The following FRMPD4 variants were observed in gnomAD, a reference collection of about 807,000 sequenced individuals.
FRMPD4 encodes FERM and PDZ domain-containing protein 4.
In FRMPD4, 22 loss-of-function variants were observed where a neutral mutation model predicts 94.1. The ratio of observed to expected loss-of-function variants is 0.23; its 90% CI spans 0.17 to 0.33. The LOEUF (loss-of-function observed/expected upper bound fraction) is 0.33. Among genes scored for constraint, FRMPD4 ranks in the 10% least tolerant of loss-of-function variants. The pLI is 1.00. For synonymous variants in FRMPD4, 631 were observed against 548.6 expected, an observed-to-expected ratio of 1.15 and a Z score of -2.10; for missense variants, 1,111 against 1,339.9, an observed-to-expected ratio of 0.83 and a Z score of 2.67.
At chrX:12,543,224 C>A (rs1226522237) in intron 2 of FRMPD4, among the ~76,000 whole-genome samples, 41 of 110,090 alleles carry the variant, frequency 3.7e-4, no homozygotes, top group Non-Finnish European at 5.3e-4. Flanking sequence ...GCAACAAAAG[C>A]CAAAATTGAC....
chrX:12,110,106 A>G (rs1203185426), intron 3 of FRMPD4, among the ~76,000 whole-genome samples: 2 of 112,234 alleles, frequency 1.8e-5, no homozygotes, highest in African/African-American at 6.5e-5. Context: ...AGCCTGATAC[A>G]GACCAATAAA....
At position 11,864,266 on chromosome X, in the gene FRMPD4, A is replaced by G. The variant is rs1182627426; in HGVS notation, c.-160-820A>G. Among the ~76,000 whole-genome samples, 7 of 109,396 alleles carry G rather than the reference A, an allele frequency of 6.4e-5. No individual in the cohort carries two copies. The East Asian group carries it at 1.7e-3, about 27-fold the overall frequency. The allele number at this position is 109,396 out of a possible 115,157, so 95.0% of individuals were successfully genotyped here. ...CTGCTCGGAAAGTTAACAAGAGTGA[A>G]GGGATGAGGGAGCAAGCAGAGAGGA... On this transcript the variant is annotated intron_variant, in intron 1 of 18. Coordinates refer to the FRMPD4 transcript ENST00000640291.
At chrX:12,402,968 C>T (rs932611838) in intron 1 of FRMPD4, among the ~76,000 whole-genome samples, 5 of 112,333 alleles carry the variant, frequency 4.5e-5, no homozygotes, top group Non-Finnish European at 9.4e-5. Context: ...TACCCAGTCA[C>T]AGATATTTTG....
intron 3 of FRMPD4, among the ~76,000 whole-genome samples, chrX:12,064,891 A>T (rs903807366): frequency 1.8e-5 from 2 of 112,290 alleles, no homozygotes; most frequent in African/African-American, 6.5e-5. Context: ...GTCTCGTTTA[A>T]CAATAATGGG....
intron 1 of FRMPD4, among the ~76,000 whole-genome samples, chrX:12,340,008 ACCTCTCCTGAGAATTGTTCTT>A (rs1007103166): frequency 4.5e-5 from 5 of 112,062 alleles, no homozygotes; most frequent in Non-Finnish European, 7.5e-5. Flanking sequence ...GTTGATTCGA[ACCTCTCCTGAGAATTGTTCTT>A]CCTCTCCTGA....
chrX:12,125,357 T>A (rs1232707323), intron 3 of FRMPD4, among the ~76,000 whole-genome samples: 1 of 112,218 alleles, frequency 8.9e-6, no homozygotes, highest in African/African-American at 3.2e-5. Context: ...CTGGAAGGAT[T>A]TCTGGAGGTG....
intron 1 of FRMPD4, among the ~76,000 whole-genome samples, chrX:12,463,681 G>GTGTTTTTTTTTT (rs1555969426): frequency 3.5e-4 from 18 of 51,039 alleles, no homozygotes; most frequent in African/African-American, 7.8e-4. Context: ...CTATGTGTGT[G>GTGTTTTTTTTTT]TTTTTTTTTT....
Position 12,557,845 on chromosome X carries a change from G to C in FRMPD4, c.159-51876G>C, listed in dbSNP as rs377546652. Among the ~76,000 whole-genome samples the C allele has an allele frequency of 7.2e-5, 8 of 111,519 alleles. No homozygotes were observed. The East Asian group carries it at 1.4e-3, about 20-fold the overall frequency. ...ACCAGGGATTTTACCTGTTCAGAAG[G>C]GGGCAGGACTTAGAAGGAGAAGGCA... On this transcript the variant is annotated intron_variant, in intron 2 of 16. Transcript: ENST00000675598.
rs1205144982 is a variant in FRMPD4, at chrX:12,324,272, T to C, written c.42-174408T>C. Among the ~76,000 whole-genome samples, 12 of 112,384 alleles carry C rather than the reference T, an allele frequency of 1.1e-4. No homozygotes were observed. The Admixed American group carries it at 1.1e-3, about 11-fold the overall frequency. On this transcript the variant is annotated intron_variant, in intron 1 of 16. Coordinates refer to ENST00000675598, the MANE Select transcript of FRMPD4 (RefSeq NM_001368397.1). ...AACTGAATTTAGTCATAACATCATT[T>C]GCCAACACGCACTCTAAAATATGCT...
chrX:12,613,534 C>G (rs1420458314), intron 3 of FRMPD4, among the ~76,000 whole-genome samples: 2 of 112,598 alleles, frequency 1.8e-5, no homozygotes, highest in Admixed American at 1.9e-4. Context: ...GTTTCCTACT[C>G]CCTTCTTGGA....
intron 1 of FRMPD4, among the ~76,000 whole-genome samples, chrX:12,425,710 C>T (rs932193900): frequency 2.9e-4 from 32 of 111,739 alleles, no homozygotes; most frequent in African/African-American, 9.4e-4. Context: ...GGCAACTCCC[C>T]GCAAGAAAGA....
At chrX:12,202,159 A>G (rs2056638258) in intron 1 of FRMPD4, among the ~76,000 whole-genome samples, 1 of 111,595 alleles carries the variant, frequency 9.0e-6, no homozygotes, top group African/African-American at 3.3e-5. Context: ...CAATATAGCT[A>G]AGAATCTTAT....
At chrX:11,979,006 A>G (rs770970718) in intron 3 of FRMPD4, among the ~76,000 whole-genome samples, 2 of 111,357 alleles carry the variant, frequency 1.8e-5, no homozygotes, top group Non-Finnish European at 3.8e-5. Context: ...TATATGTAAA[A>G]GAATGTATAG....
At chrX:12,416,892 C>T (rs1345986493) in intron 1 of FRMPD4, among the ~76,000 whole-genome samples, 1 of 111,661 alleles carries the variant, frequency 9.0e-6, no homozygotes, top group Non-Finnish European at 1.9e-5. Context: ...ATTTTGGGAA[C>T]ACCAGAAAAA....
chrX:12,349,092 C>T (rs1213526364), intron 1 of FRMPD4, among the ~76,000 whole-genome samples: 1 of 111,071 alleles, frequency 9.0e-6, no homozygotes, highest in African/African-American at 3.3e-5. Flanking sequence ...GTCTCTGTCC[C>T]CCCTGGAGAC....
At chrX:12,532,531 C>T (rs1028564838) in intron 2 of FRMPD4, among the ~76,000 whole-genome samples, 5 of 111,497 alleles carry the variant, frequency 4.5e-5, no homozygotes, top group African/African-American at 1.6e-4. Flanking sequence ...ACTTGGTTAC[C>T]GAGACGCAAC....
chrX:11,999,307 A>G (rs1407014691), intron 3 of FRMPD4, among the ~76,000 whole-genome samples: 1 of 111,856 alleles, frequency 8.9e-6, no homozygotes, highest in Non-Finnish European at 1.9e-5. Flanking sequence ...AGCAATAAAG[A>G]TATTGCTAGC....
intron 1 of FRMPD4, among the ~76,000 whole-genome samples, chrX:11,854,055 A>G (rs1654072670): frequency 8.9e-6 from 1 of 112,208 alleles, no homozygotes; most frequent in Admixed American, 9.4e-5. Context: ...ACAGTTCCAC[A>G]TGGCTGAGGA....
chrX:12,171,800 C>T (rs1053078666), intron 1 of FRMPD4, among the ~76,000 whole-genome samples: 2 of 111,906 alleles, frequency 1.8e-5, no homozygotes, highest in African/African-American at 3.3e-5. Context: ...GTCATATCAA[C>T]GGCTACCAGA....
Sources: allele counts gnomAD v4.1 joint callset (sites outside exome capture counted in the v4.1 genomes callset), GRCh38; gene constraint gnomAD v4.1.1; transcripts MANE v1.5; gene names NCBI Gene and HGNC (gene_info 2026-07-23, HGNC 2026-07-21).